Variants in ASB14 observed in about 807,000 individuals in gnomAD.
The protein encoded by ASB14 is ankyrin repeat and SOCS box protein 14.
ASB14 carries 63 observed loss-of-function variants against 55.6 expected under a neutral mutation model. That is an observed-to-expected ratio of 1.13 (90% CI 0.92 to 1.40). ASB14 has a LOEUF of 1.40. Ranked by LOEUF, ASB14 falls within the 40% of genes most tolerant of loss-of-function variation. The pLI is 0.00. For synonymous variants in ASB14, 256 were observed against 259.9 expected (o/e 0.98, Z 0.15); for missense variants, 724 against 710.4 (o/e 1.02, Z -0.22).
intron 10 of ASB14, 151 bp from the exon 11 acceptor site, chr3:57,269,769 A>AT: frequency 6.8e-7 from 1 of 1,461,960 alleles, no homozygotes; most frequent in African/African-American, 1.4e-5. Flanking sequence ...CTATGTTGAA[A>AT]TATCAAGGAG....
At position 57,287,934 on chromosome 3, in the gene ASB14, T is replaced by C. The variant is rs1298951831; in HGVS notation, c.436A>G (p.Lys146Glu). ...AGAGGAGAATTGCCTTCGAAATTCT[T>C]AGCATTTGGATTGCAGCCATTGAGA... ...LLLNGCNPNA[K>E]NFEGNSPLLA... The change falls in exon 5 of 11, where the codon AAG (lysine) becomes GAG (glutamate). Residue 146 changes from lysine to glutamate, a missense_variant. Transcript: ENST00000487349. The C allele has an allele frequency of 2.0e-6, 3 of 1,537,146 alleles. No homozygotes were observed. In the Admixed American group the frequency reaches 5.9e-5, roughly 30 times the overall value.
rs1231626835 is a variant in ASB14 at position 57,283,222 on chromosome 3, A to G, written c.687T>C (p.Thr229=). 6.4e-7 allele frequency: 1 copy of G among 1,552,138 alleles called. No individual in the cohort carries two copies. The highest frequency in any genetic ancestry group is 8.7e-7 in the Non-Finnish European group (1 of 1,147,002). ...PLALAAQSGH[T]EIMEMLLRKG... The stretch of plus-strand genomic sequence containing the variant: ...TCCGCAGTAACATTTCCATGATTTC[A>G]GTGTGTCCACTTTGGGCAGCAAGAG... The change falls in exon 6 of 11, where the codon ACT becomes ACC. Residue 229 remains threonine (T), a synonymous_variant. Coordinates refer to ENST00000487349, the MANE Select transcript of ASB14 (RefSeq NM_001142733.3).
intron 1 of ASB14, 57 bp from the exon 2 acceptor site, chr3:57,292,161 G>A (rs2107632813): frequency 2.8e-6 from 3 of 1,086,826 alleles, no homozygotes; most frequent in East Asian, 3.1e-5. Flanking sequence ...GATTAACAAT[G>A]AAAAATATAC....
intron 3 of ASB14, 123 bp downstream of exon 3, chr3:57,288,945 T>G: frequency 4.4e-6 from 3 of 675,170 alleles, no homozygotes; most frequent in Non-Finnish European, 7.3e-6. Flanking sequence ...CTCGAACTCC[T>G]GACCTCAGGC....
chr3:57,269,469 G>T lies in ASB14; in HGVS notation c.*172C>A. ...GACAGAAGAAGTGGCTCTCAAGAAT[G>T]TATCTTAACTGCATAATTTGCCATT... On this transcript the variant is annotated 3_prime_UTR_variant, in exon 11 of 11. Transcript: ENST00000487349. 6.5e-7 allele frequency: 1 copy of T among 1,531,456 alleles called. No homozygotes were observed. Among genetic ancestry groups the T allele is most frequent in the Non-Finnish European group, 8.9e-7 (1 of 1,122,380 alleles). 94.9% of individuals were successfully genotyped at this position (1,531,456 alleles called of 1,614,324 possible).
At chr3:57,290,262 T>G (rs1043785021) in intron 2 of ASB14, among the ~76,000 whole-genome samples, 1 of 152,174 alleles carries the variant, frequency 6.6e-6, no homozygotes, top group Non-Finnish European at 1.5e-5. Context: ...AGACTCTATC[T>G]CTGCCTTTTC....
At chr3:57,274,260 T>G (rs1470947633) in intron 10 of ASB14, among the ~76,000 whole-genome samples, 1 of 152,224 alleles carries the variant, frequency 6.6e-6, no homozygotes, top group South Asian at 2.1e-4. Context: ...CATAGCTGAC[T>G]GGGCTGTAGT....
chr3:57,277,676 C>A, intron 9 of ASB14, 91 bp downstream of exon 9: 3 of 1,173,270 alleles, frequency 2.6e-6, no homozygotes, highest in Non-Finnish European at 3.6e-6. Flanking sequence ...AGCTTTTAAC[C>A]AGAAGAGAAG....
intron 5 of ASB14, among the ~76,000 whole-genome samples, chr3:57,287,593 T>A (rs985888694): frequency 6.6e-6 from 1 of 152,226 alleles, no homozygotes; most frequent in Non-Finnish European, 1.5e-5. Context: ...CTCTTCTGTT[T>A]CAGCTGCCTG....
chr3:57,277,831 G>A lies in ASB14; in HGVS notation c.1521C>T (p.Ile507=), dbSNP rs748036795. The change falls in exon 9 of 11, where the codon ATC becomes ATT. Residue 507 remains isoleucine, a synonymous_variant. Transcript: ENST00000487349. ...VMLDYVDQVR[I]CSKLKAVLQK... is the part of the protein sequence containing the mutation. ...GGAGCACAGCTTTCAACTTTGAACAGATCCGAACTTGATCAACATAATCAA... is the reference window on the plus strand; with the variant it reads ...GGAGCACAGCTTTCAACTTTGAACAAATCCGAACTTGATCAACATAATCAA... The A allele has an allele frequency of 2.5e-6, 4 of 1,613,870 alleles. No individual in the cohort carries two copies. The highest frequency in any genetic ancestry group is 3.4e-6 in the Non-Finnish European group (4 of 1,179,822).
intron 1 of ASB14, 24 bp from the exon 2 acceptor site, chr3:57,292,128 T>A: frequency 8.2e-7 from 1 of 1,217,172 alleles, no homozygotes; most frequent in Non-Finnish European, 1.1e-6. Flanking sequence ...CAAATGAAAT[T>A]CAGAAATCTA....
chr3:57,270,622 T>A (rs1408466089), intron 10 of ASB14: 2 of 152,590 alleles, frequency 1.3e-5, no homozygotes, highest in Non-Finnish European at 2.9e-5. Context: ...AAGTAAAAAT[T>A]CCCAGAGTTT....
In ASB14 at chr3:57,278,821, G is replaced by A. The variant is rs767080546; in HGVS notation, c.987C>T (p.Cys329=). ...HCAAAGAHPQ[C]LELLIQAGFD... ...ATCCAGCCTGGATGAGGAGTTCCAG[G>A]CACTGAGGATGTGCTCCTGCTGCTG... Residue 329 remains cysteine (C), a synonymous_variant, in exon 8 of 11, where the codon TGC becomes TGT. Transcript: ENST00000487349. 1 of 1,613,432 alleles carries A rather than the reference G, an allele frequency of 6.2e-7. No individual in the cohort carries two copies. The highest frequency in any genetic ancestry group is 8.5e-7 in the Non-Finnish European group (1 of 1,179,792).
chr3:57,278,493 T>C lies in ASB14; in HGVS notation c.1315A>G (p.Met439Val). 1 of 1,614,182 alleles carries C rather than the reference T, an allele frequency of 6.2e-7. No homozygotes were observed. Among genetic ancestry groups the C allele is most frequent in the East Asian group, 2.2e-5 (1 of 44,882 alleles). ...GTGTCATACCCATAGTTCAGCAGCA[T>C]CCTGAGCATGACTTCATCTTTCAGA... ...YTLKDEVMLR[M>V]LLNYGYDTER... Residue 439 changes from methionine to valine, a missense_variant, in exon 8 of 11, where the codon ATG becomes GTG. Transcript: ENST00000487349.
intron 7 of ASB14, among the ~76,000 whole-genome samples, chr3:57,279,745 G>A (rs953192736): frequency 6.6e-6 from 1 of 152,028 alleles, no homozygotes; most frequent in Non-Finnish European, 1.5e-5. Context: ...TTCTTGGAAG[G>A]CCGGGAGGTT....
chr3:57,283,396 G>C lies in ASB14; in HGVS notation c.513C>G (p.Asn171Lys). Residue 171 changes from asparagine (N) to lysine (K), a missense_variant, in exon 6 of 11, where the codon AAC (asparagine) becomes AAG (lysine). By Grantham distance (94) the Asn-to-Lys change is moderately conservative. Coordinates refer to ENST00000487349, the MANE Select transcript of ASB14 (RefSeq NM_001142733.3). ...DCYDMAALLI[N>K]YGADVNLRCA... ...AACGCAGATTGACATCTGCTCCATA[G>C]TTGATCAGCAAGGCAGCCATGTCAT... The C allele has an allele frequency of 6.4e-7, 1 of 1,551,616 alleles. No homozygotes were observed. The highest frequency in any genetic ancestry group is 8.7e-7 in the Non-Finnish European group (1 of 1,146,900).
At chr3:57,284,397 G>A (rs986405195) in intron 5 of ASB14, among the ~76,000 whole-genome samples, 11 of 152,110 alleles carry the variant, frequency 7.2e-5, no homozygotes, top group African/African-American at 2.7e-4. Context: ...CCCAAAGGCT[G>A]GGATTACTGG....
In ASB14 at chr3:57,291,367, G is replaced by GGTTGACTGCAGACTGC. The variant is rs1553640631; in HGVS notation, c.122+544_122+545insGCAGTCTGCAGTCAAC. On this transcript the variant is annotated intron_variant, in intron 2 of 10. Coordinates refer to ENST00000487349, the MANE Select transcript of ASB14 (RefSeq NM_001142733.3). ...GGCCAGCGAGCGTGTGAGCAGGTGT[G>GGTTGACTGCAGACTGC]CCATATCCAGGACGATTCTTCTTAC... 7.2e-3 allele frequency among the ~76,000 whole-genome samples: 1,098 copies of GGTTGACTGCAGACTGC among 152,054 alleles called. 13 individuals are homozygous for GGTTGACTGCAGACTGC. The highest frequency in any genetic ancestry group is 0.025 in the African/African-American group (1,027 of 41,462).
At chr3:57,289,353 T>G (rs534168453) in intron 2 of ASB14, among the ~76,000 whole-genome samples, 1 of 152,324 alleles carries the variant, frequency 6.6e-6, no homozygotes, top group East Asian at 1.9e-4. Flanking sequence ...CATTAGCCTG[T>G]TAGCTTCTTT....
Sources: gnomAD v4.1 joint callset for allele counts (sites outside exome capture counted in the v4.1 genomes callset) on GRCh38, gnomAD v4.1.1 for gene constraint, MANE v1.5 for transcripts, NCBI Gene and HGNC (gene_info 2026-07-23, HGNC 2026-07-21) for gene names.